IQCM: variants seen among roughly 807,000 people sequenced by gnomAD.
IQCM encodes IQ motif containing M.
In IQCM, 45 loss-of-function variants were observed where a neutral mutation model predicts 57.6. The observed-to-expected ratio is 0.78, with a 90% CI of 0.62 to 1.00. The LOEUF (loss-of-function observed/expected upper bound fraction) is 1.00, where lower values mean the gene tolerates loss of function less well. Among genes scored for constraint, IQCM ranks in the 50% least tolerant of loss-of-function variants. The pLI is 0.00. For synonymous variants in IQCM, 148 were observed against 158.9 expected, an observed-to-expected ratio of 0.93 and a Z score of 0.51; for missense variants, 468 against 511.6, an observed-to-expected ratio of 0.91 and a Z score of 0.82.
At chr4:149,527,261 T>C (rs1746251592) in intron 12 of IQCM, among the ~76,000 whole-genome samples, 1 of 152,230 alleles carries the variant, frequency 6.6e-6, no homozygotes, top group Non-Finnish European at 1.5e-5. Context: ...AACCTGAAGA[T>C]GTGTTGCTTT....
chr4:149,606,691 T>C (rs1224005266), intron 8 of IQCM, among the ~76,000 whole-genome samples: 4 of 152,102 alleles, frequency 2.6e-5, no homozygotes, highest in African/African-American at 7.2e-5. Flanking sequence ...TAGAATTCTA[T>C]CAAATAAATT....
At chr4:149,499,583 C>CA (rs1322752246) in intron 12 of IQCM, among the ~76,000 whole-genome samples, 2 of 151,892 alleles carry the variant, frequency 1.3e-5, no homozygotes, top group African/African-American at 4.8e-5. Context: ...CTCAGCGAAG[C>CA]AAAAATTGCT....
chr4:149,413,592 A>G (rs1458092027), intron 13 of IQCM, among the ~76,000 whole-genome samples: 1 of 152,194 alleles, frequency 6.6e-6, no homozygotes, highest in East Asian at 1.9e-4. Context: ...AAATCAATGA[A>G]ATAGAGAAAA....
rs369374009 is a variant in IQCM at position 149,652,375 on chromosome 4, A to T, written c.565+29743T>A. ...GGCTTAAAACCCAGATGACGGGATG[A>T]TAGGTGCAGCAAACCACCATAGCAC... On this transcript the variant is annotated intron_variant, in intron 7 of 13. Coordinates refer to ENST00000636793, the MANE Select transcript of IQCM (RefSeq NM_001363507.2). Among the ~76,000 whole-genome samples the T allele has an allele frequency of 2.0e-5, 3 of 152,128 alleles. No individual in the cohort carries two copies. The East Asian group carries it at 5.8e-4, about 29-fold the overall frequency.
At chr4:149,382,885 A>G (rs1731172215) in intron 13 of IQCM, among the ~76,000 whole-genome samples, 2 of 152,052 alleles carry the variant, frequency 1.3e-5, no homozygotes, top group South Asian at 4.1e-4. Context: ...ATTCAAGCTC[A>G]TCAATTTTGC....
intron 8 of IQCM, among the ~76,000 whole-genome samples, chr4:149,611,372 G>A (rs533037557): frequency 3.9e-5 from 6 of 152,122 alleles, no homozygotes; most frequent in South Asian, 2.1e-4. Flanking sequence ...TGTCAAAGAC[G>A]TAGCTGCACT....
At chr4:149,762,079 A>C (rs755524858) in intron 2 of IQCM, among the ~76,000 whole-genome samples, 3 of 152,066 alleles carry the variant, frequency 2.0e-5, no homozygotes, top group Non-Finnish European at 2.9e-5. Context: ...AGGCTTAATC[A>C]TCAATTAGGA....
At chr4:149,767,898 T>A (rs547396391) in intron 2 of IQCM, among the ~76,000 whole-genome samples, 2 of 152,250 alleles carry the variant, frequency 1.3e-5, no homozygotes, top group South Asian at 4.1e-4. Flanking sequence ...AGTGATAACA[T>A]AAAATGGACT....
intron 12 of IQCM, among the ~76,000 whole-genome samples, chr4:149,440,986 A>G (rs1735884458): frequency 6.6e-6 from 1 of 152,178 alleles, no homozygotes; most frequent in Non-Finnish European, 1.5e-5. Flanking sequence ...TAACAAATGT[A>G]CAATTTCCTG....
chr4:149,772,537 T>C (rs1770684736), intron 2 of IQCM, among the ~76,000 whole-genome samples: 2 of 148,524 alleles, frequency 1.3e-5, no homozygotes, highest in Non-Finnish European at 3.0e-5. Flanking sequence ...TGTCACTTTA[T>C]AAACAAAAAA....
chr4:149,589,690 T>C (rs1013894685), intron 8 of IQCM, among the ~76,000 whole-genome samples: 4 of 152,006 alleles, frequency 2.6e-5, no homozygotes, highest in Non-Finnish European at 5.9e-5. Flanking sequence ...TTGTTGTGCA[T>C]CATCTCTCAA....
At chr4:149,638,222 A>G (rs1757887022) in intron 7 of IQCM, among the ~76,000 whole-genome samples, 1 of 152,156 alleles carries the variant, frequency 6.6e-6, no homozygotes, top group African/African-American at 2.4e-5. Flanking sequence ...GTAAAATAAA[A>G]CCCCAATGGG....
At chr4:149,544,543 C>A (rs1456507353) in intron 12 of IQCM, among the ~76,000 whole-genome samples, 1 of 151,980 alleles carries the variant, frequency 6.6e-6, no homozygotes, top group Non-Finnish European at 1.5e-5. Flanking sequence ...TTATAAAAAC[C>A]AAACCTAAAT....
intron 8 of IQCM, among the ~76,000 whole-genome samples, chr4:149,619,816 G>T (rs1259073326): frequency 2.0e-5 from 3 of 152,062 alleles, no homozygotes; most frequent in African/African-American, 4.8e-5. Context: ...AGGTCATAAG[G>T]GTAGGGTCCT....
chr4:149,801,444 T>A (rs180749539), intron 2 of IQCM, among the ~76,000 whole-genome samples: 176 of 152,128 alleles, frequency 1.2e-3, no homozygotes, highest in Non-Finnish European at 2.1e-3. Flanking sequence ...TGCACTCCCA[T>A]GTTTGTTGCA....
intron 5 of IQCM, among the ~76,000 whole-genome samples, chr4:149,706,876 A>G (rs931516694): frequency 6.6e-6 from 1 of 151,984 alleles, no homozygotes; most frequent in African/African-American, 2.4e-5. Flanking sequence ...TTGTGAGTCT[A>G]ATGTACATTT....
At chr4:149,745,880 G>A (rs528992130) in intron 2 of IQCM, among the ~76,000 whole-genome samples, 4 of 152,066 alleles carry the variant, frequency 2.6e-5, no homozygotes, top group Non-Finnish European at 4.4e-5. Flanking sequence ...GCTGAGGTGG[G>A]AGGATCAGTT....
intron 2 of IQCM, among the ~76,000 whole-genome samples, chr4:149,758,826 C>A (rs1195573218): frequency 6.7e-6 from 1 of 149,488 alleles, no homozygotes; most frequent in Non-Finnish European, 1.5e-5. Flanking sequence ...AGAGGCAGAG[C>A]AACAGGAACT....
rs545911569 is a variant in IQCM at position 149,806,588 on chromosome 4, T to C, written c.-49+8723A>G. Among the ~76,000 whole-genome samples the C allele has an allele frequency of 2.0e-5, 3 of 152,052 alleles. No homozygotes were observed. In the South Asian group the frequency reaches 6.2e-4, roughly 31 times the overall value. On this transcript the variant is annotated intron_variant, in intron 2 of 13. Transcript: ENST00000636793. The stretch of plus-strand genomic sequence containing the variant: ...GAGTAGGAACAGGTGATATTTGTCT[T>C]TCTATGCCTAGAAATTGAGAAATGG...
Sources: allele counts gnomAD v4.1 joint callset (sites outside exome capture counted in the v4.1 genomes callset), GRCh38; gene constraint gnomAD v4.1.1; transcripts MANE v1.5; gene names NCBI Gene and HGNC (gene_info 2026-07-23, HGNC 2026-07-21).